MYMX: variants seen among roughly 807,000 people sequenced by gnomAD.
MYMX encodes protein myomixer.
chr6:44,216,710 C>G (rs1342472396), upstream of MYMX, among the ~76,000 whole-genome samples: 1 of 151,572 alleles, frequency 6.6e-6, no homozygotes, highest in African/African-American at 2.4e-5. Context: ...AGTCTGGGTT[C>G]CAACTCGAGG....
At chr6:44,205,539 G>A in the MYMX span, among the ~76,000 whole-genome samples, 95 of 151,824 alleles carry the variant, frequency 6.3e-4, no homozygotes, top group Non-Finnish European at 9.9e-4. Context: ...GGCTGGGGGC[G>A]GTGGCTCATG....
upstream of MYMX, among the ~76,000 whole-genome samples, chr6:44,215,115 T>G (rs966806119): frequency 1.3e-5 from 2 of 152,220 alleles, no homozygotes; most frequent in Admixed American, 6.5e-5. Flanking sequence ...GGGTCTTACA[T>G]GCTGATGGAG....
At chr6:44,205,547 A>C in the MYMX span, among the ~76,000 whole-genome samples, 1 of 152,232 alleles carries the variant, frequency 6.6e-6, no homozygotes, top group South Asian at 2.1e-4. Flanking sequence ...GCGGTGGCTC[A>C]TGCCTGTAAT....
the MYMX span, among the ~76,000 whole-genome samples, chr6:44,211,823 T>TGTGTGTGTG: frequency 1.5e-4 from 23 of 150,582 alleles, no homozygotes; most frequent in Non-Finnish European, 2.5e-4. Context: ...TGTGTGTGTG[T>TGTGTGTGTG]TTAGTAGAGA....
the MYMX span, among the ~76,000 whole-genome samples, chr6:44,194,944 C>T: frequency 5.9e-5 from 9 of 151,956 alleles, no homozygotes; most frequent in Admixed American, 2.6e-4. Flanking sequence ...AGAATACTGC[C>T]GTATATTCGC....
upstream of MYMX, among the ~76,000 whole-genome samples, chr6:44,213,406 G>T (rs1281093709): frequency 6.6e-6 from 1 of 150,808 alleles, no homozygotes; most frequent in Non-Finnish European, 1.5e-5. Flanking sequence ...AAATAAAAGA[G>T]ATTGCAAAAC....
At chr6:44,214,301 C>T (rs944305942), upstream of MYMX, among the ~76,000 whole-genome samples, 2 of 152,146 alleles carry the variant, frequency 1.3e-5, no homozygotes, top group African/African-American at 2.4e-5. Flanking sequence ...AAAGTAGAGC[C>T]ACCAGGATTG....
At chr6:44,212,736 G>T (rs1775657482), upstream of MYMX, among the ~76,000 whole-genome samples, 1 of 151,878 alleles carries the variant, frequency 6.6e-6, no homozygotes, top group African/African-American at 2.4e-5. Flanking sequence ...CTTATGCAAA[G>T]CTAGAATTTG....
upstream of MYMX, among the ~76,000 whole-genome samples, chr6:44,215,446 G>A (rs566670504): frequency 4.6e-5 from 7 of 152,126 alleles, no homozygotes; most frequent in East Asian, 1.9e-4. Context: ...GTGTGGTGGC[G>A]CCTGCCTGTG....
chr6:44,199,486 C>A, the MYMX span, among the ~76,000 whole-genome samples: 1 of 152,168 alleles, frequency 6.6e-6, no homozygotes, highest in Non-Finnish European at 1.5e-5. Flanking sequence ...GCGTGAGCCC[C>A]CACGCCTGGC....
the MYMX span, among the ~76,000 whole-genome samples, chr6:44,195,735 C>A: frequency 5.9e-5 from 9 of 152,112 alleles, no homozygotes; most frequent in African/African-American, 2.2e-4. Context: ...TATCCTTTTG[C>A]CATTTGGTTT....
chr6:44,207,933 A>AG, the MYMX span, among the ~76,000 whole-genome samples: 14 of 152,134 alleles, frequency 9.2e-5, no homozygotes, highest in Non-Finnish European at 1.6e-4. Context: ...GTACTATTTG[A>AG]GAAAAAAAAA....
chr6:44,207,940 A>G, the MYMX span, among the ~76,000 whole-genome samples: 1 of 152,154 alleles, frequency 6.6e-6, no homozygotes, highest in Admixed American at 6.6e-5. Flanking sequence ...TTGAGAAAAA[A>G]AAATTGATCA....
the MYMX span, among the ~76,000 whole-genome samples, chr6:44,199,072 T>A: frequency 6.6e-6 from 1 of 152,216 alleles, no homozygotes; most frequent in African/African-American, 2.4e-5. Context: ...TTCTAATCTC[T>A]CTATTCTGTT....
chr6:44,211,788 T>TTTTGTGTGTGTG, the MYMX span, among the ~76,000 whole-genome samples: 14 of 126,428 alleles, frequency 1.1e-4, no homozygotes, highest in African/African-American at 3.1e-4. Context: ...CAGCTAGGTT[T>TTTTGTGTGTGTG]TGTGTGTGTG....
At chr6:44,216,307 G>A (rs1382676287), upstream of MYMX, among the ~76,000 whole-genome samples, 2 of 152,222 alleles carry the variant, frequency 1.3e-5, no homozygotes, top group Non-Finnish European at 2.9e-5. Context: ...CTACAGCGGA[G>A]AGGACTGGAG....
chr6:44,211,699 C>A, the MYMX span, among the ~76,000 whole-genome samples: 3 of 149,764 alleles, frequency 2.0e-5, no homozygotes, highest in African/African-American at 7.4e-5. Context: ...CTTACTGCAA[C>A]TTCTGCCTCC....
At chr6:44,194,446 G>C in the MYMX span, among the ~76,000 whole-genome samples, 1 of 152,316 alleles carries the variant, frequency 6.6e-6, no homozygotes, top group African/African-American at 2.4e-5. Flanking sequence ...CATGATGCAG[G>C]GAGCAGGCTG....
chr6:44,202,398 C>T, the MYMX span, among the ~76,000 whole-genome samples: 3 of 152,024 alleles, frequency 2.0e-5, no homozygotes, highest in African/African-American at 7.2e-5. Context: ...GCCCACAGTC[C>T]TCACCTTCAC....
Sources: allele counts gnomAD v4.1 joint callset (sites outside exome capture counted in the v4.1 genomes callset), GRCh38; gene constraint gnomAD v4.1.1; transcripts MANE v1.5; gene names NCBI Gene and HGNC (gene_info 2026-07-23, HGNC 2026-07-21).